Variants in KCNN2 observed in about 807,000 individuals in gnomAD.
The protein encoded by KCNN2 is small conductance calcium-activated potassium channel protein 2.
A neutral mutation model predicts 55.5 loss-of-function variants in KCNN2; 24 were observed. The observed-to-expected ratio is 0.43, with a 90% CI of 0.31 to 0.61. The LOEUF (loss-of-function observed/expected upper bound fraction) is 0.61, where lower values mean the gene tolerates loss of function less well. Ranked by LOEUF, KCNN2 falls within the 20% of genes least tolerant of loss-of-function variation. KCNN2 has a pLI of 0.08. For missense variants in KCNN2, 754 were observed against 853.6 expected (o/e 0.88, Z 1.45); for synonymous variants, 431 against 336.1 (o/e 1.28, Z -3.09).
chr5:114,143,290 C>A (rs1752326832), intron 1 of KCNN2, among the ~76,000 whole-genome samples: 2 of 152,118 alleles, frequency 1.3e-5, no homozygotes, highest in East Asian at 3.9e-4. Flanking sequence ...GTGTGTGCAT[C>A]AGTAATTTCT....
At chr5:114,109,263 G>C (rs1751547122) in intron 1 of KCNN2, among the ~76,000 whole-genome samples, 1 of 151,982 alleles carries the variant, frequency 6.6e-6, no homozygotes, top group East Asian at 1.9e-4. Context: ...TTCTCTATAG[G>C]GCAGCTTTCT....
At chr5:114,423,336 C>G (rs1759524726) in intron 3 of KCNN2, among the ~76,000 whole-genome samples, 1 of 152,086 alleles carries the variant, frequency 6.6e-6, no homozygotes, top group Non-Finnish European at 1.5e-5. Flanking sequence ...TACTCACCCC[C>G]ACAGCCCCCA....
chr5:114,240,887 A>G (rs545732414), intron 2 of KCNN2, among the ~76,000 whole-genome samples: 12 of 151,864 alleles, frequency 7.9e-5, no homozygotes, highest in Non-Finnish European at 1.8e-4. Context: ...AAGAATTTAA[A>G]AAATTATCTG....
chr5:114,486,213 G>A (rs61530176), intron 5 of KCNN2, among the ~76,000 whole-genome samples: 8,133 of 152,250 alleles, frequency 0.053, 678 homozygotes, highest in African/African-American at 0.19. Flanking sequence ...AGAATTAAAT[G>A]GAACAACTTC....
chr5:114,390,705 A>C (rs337694), intron 2 of KCNN2, among the ~76,000 whole-genome samples: 23,158 of 152,048 alleles, frequency 0.15, 3,331 homozygotes, highest in African/African-American at 0.38. Context: ...GCAAACACAT[A>C]ATCCATACAC....
At chr5:114,408,953 T>G (rs1759032600) in intron 3 of KCNN2, among the ~76,000 whole-genome samples, 1 of 152,182 alleles carries the variant, frequency 6.6e-6, no homozygotes, top group African/African-American at 2.4e-5. Context: ...TGAAAACTGT[T>G]CATTTCATAG....
chr5:114,060,815 A>G (rs1479348638), intron 1 of KCNN2, among the ~76,000 whole-genome samples: 3 of 152,238 alleles, frequency 2.0e-5, no homozygotes, highest in African/African-American at 7.2e-5. Context: ...GGCACAGTGG[A>G]AATTCAGCTA....
intron 1 of KCNN2, among the ~76,000 whole-genome samples, chr5:114,068,322 A>G (rs1750492482): frequency 6.6e-6 from 1 of 152,230 alleles, no homozygotes; most frequent in Non-Finnish European, 1.5e-5. Flanking sequence ...CAGAAATTCA[A>G]CTTTGAGCTT....
At chr5:114,361,226 A>T (rs969201405), upstream of KCNN2, 4 of 151,960 alleles carry the variant, frequency 2.6e-5, no homozygotes, top group African/African-American at 4.8e-5. Flanking sequence ...CTCTGTCGGC[A>T]GACTGCGGGG....
intron 5 of KCNN2, 186 bp downstream of exon 5, chr5:114,473,350 A>C: frequency 1.7e-6 from 1 of 585,586 alleles, no homozygotes; most frequent in South Asian, 2.1e-5. Context: ...GTCAGTTAGG[A>C]AGTAATTGGG....
At chr5:114,118,144 C>T (rs988921958) in intron 1 of KCNN2, among the ~76,000 whole-genome samples, 1 of 152,176 alleles carries the variant, frequency 6.6e-6, no homozygotes, top group Non-Finnish European at 1.5e-5. Context: ...ACCTTTACAG[C>T]ATTTCCCTAG....
intron 1 of KCNN2, among the ~76,000 whole-genome samples, chr5:114,105,750 G>T (rs186998396): frequency 2.6e-5 from 4 of 152,090 alleles, no homozygotes; most frequent in African/African-American, 9.6e-5. Context: ...TAGTCCTGAG[G>T]AAAGTTCATG....
intron 2 of KCNN2, among the ~76,000 whole-genome samples, chr5:114,283,696 G>A (rs191633169): frequency 6.6e-6 from 1 of 152,288 alleles, no homozygotes; most frequent in East Asian, 1.9e-4. Flanking sequence ...GAAGAAGCTT[G>A]AATGACAGGT....
At chr5:114,168,043 T>C (rs1380941786) in intron 1 of KCNN2, among the ~76,000 whole-genome samples, 1 of 152,114 alleles carries the variant, frequency 6.6e-6, no homozygotes, top group African/African-American at 2.4e-5. Flanking sequence ...TACCATTGTA[T>C]AGCTAGTTTC....
At chr5:114,226,792 T>G (rs2112598732) in intron 2 of KCNN2, among the ~76,000 whole-genome samples, 1 of 151,776 alleles carries the variant, frequency 6.6e-6, no homozygotes, top group East Asian at 1.9e-4. Context: ...TCCCAGCTAC[T>G]TGGGAGGCTG....
intron 5 of KCNN2, among the ~76,000 whole-genome samples, chr5:114,485,991 G>C (rs1762421735): frequency 6.6e-6 from 1 of 152,106 alleles, no homozygotes; most frequent in Non-Finnish European, 1.5e-5. Context: ...ACTTTCTGAT[G>C]TTCCAGAAAA....
intron 1 of KCNN2, among the ~76,000 whole-genome samples, chr5:114,109,136 G>A (rs78297710): frequency 0.046 from 7,008 of 152,090 alleles, 535 homozygotes; most frequent in African/African-American, 0.16. Flanking sequence ...GGAAGGATGT[G>A]TTTCCAAGCT....
At chr5:114,433,692 G>T (rs955813930) in intron 3 of KCNN2, 6 of 152,350 alleles carry the variant, frequency 3.9e-5, no homozygotes, top group Non-Finnish European at 7.3e-5. Context: ...AGGGAGGAAT[G>T]AACAACTCCA....
In KCNN2 at chr5:114,496,052, G is replaced by A; in HGVS notation, c.2246G>A (p.Arg749Lys). The stretch of plus-strand genomic sequence containing the variant: ...AGCCAGACCATCAGGCAGCAGCAGA[G>A]AGATTTCATTGAGGCTCAGATGGAG... The part of the protein sequence containing the change: ...LISQTIRQQQ[R>K]DFIEAQMESY... Residue 749 changes from arginine to lysine, a missense_variant, in exon 8 of 8, where the codon AGA becomes AAA. Coordinates refer to ENST00000673685, the MANE Select transcript of KCNN2 (RefSeq NM_021614.4). 2 of 1,614,078 alleles carry A rather than the reference G, an allele frequency of 1.2e-6. No individual in the cohort carries two copies. Among genetic ancestry groups the A allele is most frequent in the South Asian group, 1.1e-5 (1 of 91,084 alleles).
Sources: gnomAD v4.1 joint callset for allele counts (sites outside exome capture counted in the v4.1 genomes callset) on GRCh38, gnomAD v4.1.1 for gene constraint, MANE v1.5 for transcripts, NCBI Gene and HGNC (gene_info 2026-07-23, HGNC 2026-07-21) for gene names.